PGCKA1: variants seen among roughly 807,000 people sequenced by gnomAD.
The protein encoded by PGCKA1 is PDCD10 and GCKIII kinases associated 1.
chr4:37,547,392 G>T, the PGCKA1 span, among the ~76,000 whole-genome samples: 1 of 152,312 alleles, frequency 6.6e-6, no homozygotes, highest in Admixed American at 6.5e-5. Context: ...TTTGTGGTGT[G>T]CATGTGGTGT....
chr4:37,474,487 T>C, the PGCKA1 span, among the ~76,000 whole-genome samples: 5 of 152,096 alleles, frequency 3.3e-5, no homozygotes, highest in Non-Finnish European at 5.9e-5. Context: ...CAACTGTAGG[T>C]ACGCAAAAAC....
chr4:37,470,121 T>G, the PGCKA1 span, among the ~76,000 whole-genome samples: 1 of 152,218 alleles, frequency 6.6e-6, no homozygotes, highest in Non-Finnish European at 1.5e-5. Context: ...TCTGTAGATA[T>G]AATTAAGAGC....
chr4:37,588,849 G>C, the PGCKA1 span: 480 of 1,610,048 alleles, frequency 3.0e-4, no homozygotes, highest in Middle Eastern at 8.3e-4. Flanking sequence ...TTTCCAGGTG[G>C]TAACAGAAAA....
At chr4:37,460,913 G>A in the PGCKA1 span, 1 of 392,882 alleles carries the variant, frequency 2.5e-6, no homozygotes, top group South Asian at 1.9e-5. Context: ...CTTTGCCCAT[G>A]CCTATGTCCT....
the PGCKA1 span, among the ~76,000 whole-genome samples, chr4:37,551,493 C>G: frequency 6.6e-6 from 1 of 152,088 alleles, no homozygotes. Context: ...ACTATTCTGG[C>G]CCGGCAAAAA....
chr4:37,475,735 A>G, the PGCKA1 span, among the ~76,000 whole-genome samples: 1 of 152,124 alleles, frequency 6.6e-6, no homozygotes, highest in Admixed American at 6.6e-5. Flanking sequence ...TGTAAGAATT[A>G]TATATGCAGT....
chr4:37,513,249 A>G, the PGCKA1 span, among the ~76,000 whole-genome samples: 3 of 152,216 alleles, frequency 2.0e-5, no homozygotes, highest in Admixed American at 6.5e-5. Flanking sequence ...AGCCTGCTCT[A>G]CTTAGCAGCT....
the PGCKA1 span, among the ~76,000 whole-genome samples, chr4:37,494,174 G>GT: frequency 6.6e-6 from 1 of 152,122 alleles, no homozygotes; most frequent in Non-Finnish European, 1.5e-5. Context: ...GTAGAGGTTT[G>GT]TTATATGCAG....
At chr4:37,538,610 G>C in the PGCKA1 span, among the ~76,000 whole-genome samples, 1 of 152,188 alleles carries the variant, frequency 6.6e-6, no homozygotes, top group Non-Finnish European at 1.5e-5. Flanking sequence ...GAAAAGAAGG[G>C]TTTCTGCCTG....
the PGCKA1 span, among the ~76,000 whole-genome samples, chr4:37,470,142 G>T: frequency 0.27 from 41,427 of 152,110 alleles, 5,897 homozygotes; most frequent in Non-Finnish European, 0.31. Flanking sequence ...TACTACCGGG[G>T]AACTTGTTTA....
chr4:37,467,452 A>G, the PGCKA1 span, among the ~76,000 whole-genome samples: 130,305 of 152,172 alleles, frequency 0.86, 55,864 homozygotes, highest in Admixed American at 0.92. Context: ...CTTCTATCAT[A>G]GAATCTTCTG....
chr4:37,530,251 G>A, the PGCKA1 span, among the ~76,000 whole-genome samples: 1 of 151,604 alleles, frequency 6.6e-6, no homozygotes, highest in African/African-American at 2.4e-5. Context: ...TCACTTTTTT[G>A]TTGTTGTTTT....
chr4:37,578,357 G>A, the PGCKA1 span, among the ~76,000 whole-genome samples: 2 of 152,176 alleles, frequency 1.3e-5, no homozygotes, highest in Non-Finnish European at 2.9e-5. Context: ...TCTGACATAA[G>A]TATAGTTATT....
At chr4:37,458,326 C>A in the PGCKA1 span, among the ~76,000 whole-genome samples, 1 of 152,076 alleles carries the variant, frequency 6.6e-6, no homozygotes, top group African/African-American at 2.4e-5. Flanking sequence ...AAAACATAGC[C>A]ACTGTTTATT....
At chr4:37,553,026 A>ACAACG in the PGCKA1 span, among the ~76,000 whole-genome samples, 3 of 137,220 alleles carry the variant, frequency 2.2e-5, no homozygotes, top group South Asian at 2.6e-4. Context: ...CCTATCTCTC[A>ACAACG]TGGCCTCATT....
the PGCKA1 span, among the ~76,000 whole-genome samples, chr4:37,583,728 G>A: frequency 3.3e-5 from 5 of 152,210 alleles, no homozygotes; most frequent in Non-Finnish European, 7.3e-5. Context: ...ACACAGGGCT[G>A]CAGAAGCAGG....
the PGCKA1 span, among the ~76,000 whole-genome samples, chr4:37,510,703 C>T: frequency 6.6e-6 from 1 of 152,080 alleles, no homozygotes. Context: ...CTGCTGTAAC[C>T]ACTACCAGGC....
At chr4:37,541,649 A>C in the PGCKA1 span, among the ~76,000 whole-genome samples, 2 of 152,162 alleles carry the variant, frequency 1.3e-5, no homozygotes, top group East Asian at 3.9e-4. Flanking sequence ...TGTACACCTC[A>C]TGTGAAGGAA....
the PGCKA1 span, among the ~76,000 whole-genome samples, chr4:37,511,121 A>C: frequency 6.6e-6 from 1 of 152,018 alleles, no homozygotes; most frequent in Non-Finnish European, 1.5e-5. Flanking sequence ...TTTCTATCCC[A>C]GGGCAGGTCC....
Sources: gnomAD v4.1 joint callset for allele counts (sites outside exome capture counted in the v4.1 genomes callset) on GRCh38, gnomAD v4.1.1 for gene constraint, MANE v1.5 for transcripts, NCBI Gene and HGNC (gene_info 2026-07-23, HGNC 2026-07-21) for gene names.